The following MPRIP variants were observed in gnomAD, a reference collection of about 807,000 sequenced individuals.
The protein encoded by MPRIP is myosin phosphatase Rho-interacting protein.
MPRIP carries 59 observed loss-of-function variants against 234.9 expected under a neutral mutation model. That is an observed-to-expected ratio of 0.25 (90% CI 0.20 to 0.31). MPRIP has a LOEUF of 0.31. MPRIP is among the 10% of genes least tolerant of loss of function. MPRIP has a pLI of 1.00. For missense variants in MPRIP, 2,436 were observed against 3,071.0 expected, an observed-to-expected ratio of 0.79 and a Z score of 4.89; for synonymous variants, 1,144 against 1,263.9, an observed-to-expected ratio of 0.91 and a Z score of 2.01.
chr17:17,080,425 C>A (rs1241543699), intron 3 of MPRIP, among the ~76,000 whole-genome samples: 3 of 152,218 alleles, frequency 2.0e-5, no homozygotes, highest in Non-Finnish European at 4.4e-5. Flanking sequence ...GATCCTGAGA[C>A]CTGGAGCAGG....
chr17:17,096,448 G>A (rs911161106), intron 3 of MPRIP, among the ~76,000 whole-genome samples: 2 of 152,110 alleles, frequency 1.3e-5, no homozygotes, highest in Admixed American at 1.3e-4. Flanking sequence ...AATTTTATGA[G>A]GAAAAGATAC....
Position 17,191,671 on chromosome 17 carries a change from A to C in MPRIP, c.*6777A>C, listed in dbSNP as rs1194928570. 2.0e-5 allele frequency: 3 copies of C among 152,226 alleles called. No homozygotes were observed. Among genetic ancestry groups the C allele is most frequent in the Non-Finnish European group, 4.4e-5 (3 of 68,056 alleles). The allele number at this position is 152,226 out of a possible 1,614,324, so 9.4% of individuals were successfully genotyped here. A position where few individuals can be genotyped will look rare whatever the true frequency, so the allele number is the denominator to read the frequency against. On this transcript the variant is annotated 3_prime_UTR_variant, in exon 24 of 24. Coordinates refer to ENST00000651222, the MANE Select transcript of MPRIP (RefSeq NM_001364716.4). The stretch of plus-strand genomic sequence containing the variant: ...GAAAGGGTGTTTCGGAGGCGCAGCC[A>C]CACACACAGCGCTGGCAGCCTCACG...
At position 17,192,081 on chromosome 17, in the gene MPRIP, T is replaced by C. The variant is rs2046597886; in HGVS notation, c.*7187T>C. Reference sequence around the variant, plus strand: ...AAAATTCGTTATCAAAGGCAAAACCTACTGTGCCAAGCTGGGGCGCTATAT... The same window carrying C: ...AAAATTCGTTATCAAAGGCAAAACCCACTGTGCCAAGCTGGGGCGCTATAT... On this transcript the variant is annotated 3_prime_UTR_variant, in exon 24 of 24. Coordinates refer to ENST00000651222, the MANE Select transcript of MPRIP (RefSeq NM_001364716.4). The C allele has an allele frequency of 6.6e-6, 1 of 152,174 alleles. No individual in the cohort carries two copies. The highest frequency in any genetic ancestry group is 2.1e-4 in the South Asian group (1 of 4,834). The allele number at this position is 152,174 out of a possible 1,614,324, so 9.4% of individuals were successfully genotyped here.
chr17:17,148,084 A>T (rs1460636065), intron 11 of MPRIP, among the ~76,000 whole-genome samples: 2 of 152,204 alleles, frequency 1.3e-5, no homozygotes, highest in African/African-American at 4.8e-5. Flanking sequence ...AAGAGCCTAA[A>T]TACCCATCAT....
intron 1 of MPRIP, among the ~76,000 whole-genome samples, chr17:17,056,616 G>GTT (rs147243052): frequency 6.7e-6 from 1 of 149,344 alleles, no homozygotes. Flanking sequence ...GTTTTGAGGG[G>GTT]TTTTTTTTTT....
At chr17:17,172,880 G>C in intron 18 of MPRIP, 65 bp downstream of exon 18, 10 of 1,416,306 alleles carry the variant, frequency 7.1e-6, no homozygotes, top group Non-Finnish European at 9.8e-6. Flanking sequence ...CCAGGCCACA[G>C]CTGGGCCCTT....
At position 17,191,940 on chromosome 17, in the gene MPRIP, T is replaced by C. The variant is rs1163530496; in HGVS notation, c.*7046T>C. 1 of 152,188 alleles carries C rather than the reference T, an allele frequency of 6.6e-6. No individual in the cohort carries two copies. The highest frequency in any genetic ancestry group is 1.5e-5 in the Non-Finnish European group (1 of 67,994). 9.4% of individuals were successfully genotyped at this position (152,188 alleles called of 1,614,324 possible). On this transcript the variant is annotated 3_prime_UTR_variant, in exon 24 of 24. Transcript: ENST00000651222. ...CCAGTTAAGTATAAGAATTACTTCA[T>C]GTGGTTTTCCTAGGGTACAATTTAT... is the stretch of plus-strand genomic sequence containing the variant.
intron 3 of MPRIP, among the ~76,000 whole-genome samples, chr17:17,087,937 A>T (rs551835343): frequency 6.6e-6 from 1 of 152,190 alleles, no homozygotes; most frequent in Non-Finnish European, 1.5e-5. Context: ...TTCCTGTTAC[A>T]TAAGTGGTGA....
At chr17:17,123,843 TCCCTTCTTTGATAACGTATTTAC>T (rs2090441549) in intron 3 of MPRIP, among the ~76,000 whole-genome samples, 3 of 152,138 alleles carry the variant, frequency 2.0e-5, no homozygotes, top group Admixed American at 2.0e-4. Context: ...GTTAAAATAT[TCCCTTCTTTGATAACGTATTTAC>T]CCCCATTTGC....
chr17:17,173,409 T>C (rs188655375), intron 18 of MPRIP, among the ~76,000 whole-genome samples: 14 of 152,338 alleles, frequency 9.2e-5, no homozygotes, highest in African/African-American at 3.1e-4. Context: ...AGCAGCACCC[T>C]GTAGAGGCTC....
rs556713379 is a variant in MPRIP at position 17,107,341 on chromosome 17, C to T, written c.268-19361C>T. 8.5e-5 allele frequency among the ~76,000 whole-genome samples: 13 copies of T among 152,332 alleles called. No homozygotes were observed. The South Asian group carries it at 2.5e-3, about 29-fold the overall frequency. Reference sequence around the variant, plus strand: ...AGTCTTCAGGAAGGAGCCTCAGAGCCTGGGCAGGGCGGGGACTTCAAGGCT... The same window carrying T: ...AGTCTTCAGGAAGGAGCCTCAGAGCTTGGGCAGGGCGGGGACTTCAAGGCT... On this transcript the variant is annotated intron_variant, in intron 3 of 23. Coordinates refer to ENST00000651222, the MANE Select transcript of MPRIP (RefSeq NM_001364716.4).
intron 3 of MPRIP, among the ~76,000 whole-genome samples, chr17:17,080,483 C>A (rs1391437385): frequency 6.6e-6 from 1 of 152,256 alleles, no homozygotes; most frequent in East Asian, 1.9e-4. Context: ...TCCAGCCAAG[C>A]TGGAAGCTTC....
At chr17:17,161,211 C>CAT in intron 14 of MPRIP, 29 bp from the exon 15 acceptor site, 1 of 1,515,744 alleles carries the variant, frequency 6.6e-7, no homozygotes, top group Non-Finnish European at 9.1e-7. Context: ...TGTCATTTTG[C>CAT]ATAAAAGTGT....
At chr17:17,159,141 C>T (rs2045806698) in intron 14 of MPRIP, 139 bp downstream of exon 14, 3 of 840,408 alleles carry the variant, frequency 3.6e-6, no homozygotes, top group Admixed American at 2.8e-5. Context: ...GAGACAGACG[C>T]ATAGATGAGT....
At chr17:17,051,708 TC>T (rs999723553) in intron 1 of MPRIP, among the ~76,000 whole-genome samples, 7 of 152,272 alleles carry the variant, frequency 4.6e-5, no homozygotes, top group Non-Finnish European at 8.8e-5. Flanking sequence ...CATTGTCACT[TC>T]CGTTGGGGGC....
At chr17:17,126,374 G>C (rs2090490403) in intron 3 of MPRIP, among the ~76,000 whole-genome samples, 1 of 152,126 alleles carries the variant, frequency 6.6e-6, no homozygotes, top group African/African-American at 2.4e-5. Context: ...TTCTCTGTGG[G>C]ATCAGCAGCC....
In MPRIP at chr17:17,158,921, C is replaced by T. The variant is rs779637823; in HGVS notation, c.2319C>T (p.Pro773=). 5 of 1,612,688 alleles carry T rather than the reference C, an allele frequency of 3.1e-6. No homozygotes were observed. Among genetic ancestry groups the T allele is most frequent in the Admixed American group, 3.3e-5 (2 of 60,024 alleles). ...CTCTCCGGGAAGAGAAGCAGGTGCCCATCGCCCCCGTCCACCTGTCTTCTG... is the reference window on the plus strand; with the variant it reads ...CTCTCCGGGAAGAGAAGCAGGTGCCTATCGCCCCCGTCCACCTGTCTTCTG... ...TTPLREEKQV[P]IAPVHLSSED... Residue 773 remains proline, a synonymous_variant, in exon 14 of 24, where the codon CCC becomes CCT. Transcript: ENST00000651222.
intron 9 of MPRIP, among the ~76,000 whole-genome samples, chr17:17,145,562 G>C (rs941503538): frequency 6.6e-6 from 1 of 152,236 alleles, no homozygotes; most frequent in Non-Finnish European, 1.5e-5. Flanking sequence ...GGGTCTCAGC[G>C]GGGCTGCAGC....
chr17:17,100,009 T>C (rs2089926892), intron 3 of MPRIP, among the ~76,000 whole-genome samples: 1 of 152,190 alleles, frequency 6.6e-6, no homozygotes, highest in Non-Finnish European at 1.5e-5. Context: ...GGGACACTTA[T>C]CCTTGTGTGG....
Sources: gnomAD v4.1 joint callset for allele counts (sites outside exome capture counted in the v4.1 genomes callset) on GRCh38, gnomAD v4.1.1 for gene constraint, MANE v1.5 for transcripts, NCBI Gene and HGNC (gene_info 2026-07-23, HGNC 2026-07-21) for gene names.